Variants in ANOS1 observed in about 807,000 individuals in gnomAD.
The protein encoded by ANOS1 is anosmin-1.
Under a neutral mutation model 59.0 loss-of-function variants are expected in ANOS1, and 6 were observed. The ratio of observed to expected loss-of-function variants is 0.10; its 90% confidence interval spans 0.06 to 0.20. ANOS1 has a LOEUF of 0.20. Ranked by LOEUF, ANOS1 falls within the 10% of genes least tolerant of loss-of-function variation. The pLI, the probability that ANOS1 is intolerant of heterozygous loss-of-function variation, is 1.00. For synonymous variants in ANOS1, 217 were observed against 223.4 expected (o/e 0.97, Z 0.25); for missense variants, 433 against 542.3 (o/e 0.80, Z 2.00).
At chrX:8,707,422 T>C (rs1420469758) in intron 1 of ANOS1, among the ~76,000 whole-genome samples, 1 of 112,078 alleles carries the variant, frequency 8.9e-6, no homozygotes, top group Non-Finnish European at 1.9e-5. Flanking sequence ...TTTCCTATGA[T>C]GTAAATGTCC....
chrX:8,582,222 G>A (rs959938915), intron 6 of ANOS1, among the ~76,000 whole-genome samples: 39 of 112,259 alleles, frequency 3.5e-4, no homozygotes, highest in African/African-American at 1.3e-3. Context: ...AATACAACAC[G>A]GGCAACGTGG....
intron 2 of ANOS1, among the ~76,000 whole-genome samples, chrX:8,684,032 G>T (rs953644040): frequency 8.9e-6 from 1 of 111,827 alleles, no homozygotes; most frequent in Non-Finnish European, 1.9e-5. Flanking sequence ...TTCTATCTGA[G>T]CTCATGTCTG....
chrX:8,720,387 T>A (rs1932866686), intron 1 of ANOS1, among the ~76,000 whole-genome samples: 1 of 111,388 alleles, frequency 9.0e-6, no homozygotes, highest in South Asian at 3.8e-4. Flanking sequence ...AAAACTCTGC[T>A]ATTTCATTAC....
intron 1 of ANOS1, among the ~76,000 whole-genome samples, chrX:8,726,224 C>T (rs1308518231): frequency 9.0e-6 from 1 of 111,196 alleles, no homozygotes; most frequent in Non-Finnish European, 1.9e-5. Flanking sequence ...GAGGCTGGCC[C>T]TCTAAGTGGA....
rs1239045660 is a variant in ANOS1 at position 8,536,875 on chromosome X, C to T, written c.1517G>A (p.Arg506Gln). ...CKYKVTVQPIRPKSHSKAEAV... is the reference protein window; with the variant it reads ...CKYKVTVQPIQPKSHSKAEAV... ...TTCTGCCTTGGAGTGACTTTTTGGC[C>T]GTATTGGTTGGACAGTCACCTTATA... Residue 506 changes from arginine to glutamine, a missense_variant, in exon 11 of 14, where the codon CGG becomes CAG. Transcript: ENST00000262648. 5.8e-6 allele frequency: 7 copies of T among 1,205,411 alleles called. No individual in the cohort carries two copies. Among genetic ancestry groups the T allele is most frequent in the Middle Eastern group, 2.3e-4 (1 of 4,364 alleles).
intron 2 of ANOS1, among the ~76,000 whole-genome samples, chrX:8,694,655 C>T (rs367732537): frequency 4.5e-5 from 5 of 111,660 alleles, no homozygotes; most frequent in African/African-American, 1.6e-4. Flanking sequence ...GCAACAAGAG[C>T]GAAATTCCAT....
intron 2 of ANOS1, among the ~76,000 whole-genome samples, chrX:8,643,131 C>G (rs970158610): frequency 5.4e-5 from 6 of 110,766 alleles, no homozygotes; most frequent in African/African-American, 2.0e-4. Flanking sequence ...AGGAAAATGA[C>G]CACTTGAAAA....
At chrX:8,590,447 CTG>C (rs1160917107) in intron 4 of ANOS1, among the ~76,000 whole-genome samples, 1 of 111,422 alleles carries the variant, frequency 9.0e-6, no homozygotes, top group Non-Finnish European at 1.9e-5. Flanking sequence ...TGCCACCCCT[CTG>C]TGACACTTCC....
chrX:8,616,229 C>T (rs1257639424), intron 3 of ANOS1, among the ~76,000 whole-genome samples: 1 of 111,588 alleles, frequency 9.0e-6, no homozygotes, highest in African/African-American at 3.3e-5. Context: ...AGTCTCCATG[C>T]TCTTGCAGCA....
intron 2 of ANOS1, among the ~76,000 whole-genome samples, chrX:8,672,058 C>T (rs896425288): frequency 8.1e-5 from 9 of 110,866 alleles, no homozygotes; most frequent in Non-Finnish European, 1.1e-4. Context: ...CAACATGTCC[C>T]CAAACTACCT....
At chrX:8,557,605 C>A (rs967604333) in intron 8 of ANOS1, among the ~76,000 whole-genome samples, 1 of 112,370 alleles carries the variant, frequency 8.9e-6, no homozygotes, top group African/African-American at 3.2e-5. Context: ...TAGAGAAATG[C>A]AAATCAAAAC....
At chrX:8,688,054 C>T (rs892278947) in intron 2 of ANOS1, among the ~76,000 whole-genome samples, 2 of 112,107 alleles carry the variant, frequency 1.8e-5, no homozygotes, top group East Asian at 5.6e-4. Context: ...CTCATTCCAA[C>T]GATTACGTAT....
chrX:8,619,597 C>T (rs1472461254), intron 3 of ANOS1, among the ~76,000 whole-genome samples: 2 of 110,432 alleles, frequency 1.8e-5, no homozygotes, highest in African/African-American at 3.3e-5. Context: ...AGCAAGACTC[C>T]GTCTCAAAAA....
chrX:8,585,481 A>C, intron 5 of ANOS1, 85 bp from the exon 6 acceptor site: 1 of 1,056,427 alleles, frequency 9.5e-7, no homozygotes, highest in Non-Finnish European at 1.3e-6. Flanking sequence ...AAATACACTA[A>C]CCCATCAGCC....
chrX:8,611,960 A>G (rs1475599898), intron 3 of ANOS1, among the ~76,000 whole-genome samples: 2 of 112,117 alleles, frequency 1.8e-5, no homozygotes, highest in Admixed American at 1.9e-4. Context: ...CTGGAAGAAG[A>G]TAAGTTTAAA....
chrX:8,664,549 T>C (rs1438331302), intron 2 of ANOS1, among the ~76,000 whole-genome samples: 1 of 109,831 alleles, frequency 9.1e-6, no homozygotes, highest in African/African-American at 3.3e-5. Flanking sequence ...AATACAGAAA[T>C]TCCAGCCACT....
At chrX:8,695,211 C>T (rs1046760978) in intron 2 of ANOS1, among the ~76,000 whole-genome samples, 1 of 111,783 alleles carries the variant, frequency 8.9e-6, no homozygotes, top group African/African-American at 3.3e-5. Context: ...ACTGGGGAGG[C>T]TGAGGCACAA....
rs747401494 is a variant in ANOS1, at chrX:8,708,498, C to T, written c.208-8753G>A. ...CAAAAGAAGACATTTATGTGGCCAACAAACATATGAAAAAAGCTCATCATC... is the reference window on the plus strand; with the variant it reads ...CAAAAGAAGACATTTATGTGGCCAATAAACATATGAAAAAAGCTCATCATC... On this transcript the variant is annotated intron_variant, in intron 1 of 13. Transcript: ENST00000262648. Among the ~76,000 whole-genome samples, 8 of 111,858 alleles carry T rather than the reference C, an allele frequency of 7.2e-5. No individual in the cohort carries two copies. The South Asian group carries it at 3.0e-3, about 42-fold the overall frequency.
intron 1 of ANOS1, among the ~76,000 whole-genome samples, chrX:8,724,209 A>G (rs984661632): frequency 8.9e-6 from 1 of 112,299 alleles, no homozygotes; most frequent in African/African-American, 3.2e-5. Flanking sequence ...GGTCATTTCT[A>G]TAAGAACCGA....
Sources: gnomAD v4.1 joint callset for allele counts (sites outside exome capture counted in the v4.1 genomes callset) on GRCh38, gnomAD v4.1.1 for gene constraint, MANE v1.5 for transcripts, NCBI Gene and HGNC (gene_info 2026-07-23, HGNC 2026-07-21) for gene names.